Variants in FRMD5 observed in about 807,000 individuals in gnomAD.
The protein encoded by FRMD5 is FERM domain containing 5.
A neutral mutation model predicts 69.0 loss-of-function variants in FRMD5; 20 were observed. The ratio of observed to expected loss-of-function variants is 0.29; its 90% CI spans 0.20 to 0.42. The LOEUF is 0.42. FRMD5 is among the 10% of genes least tolerant of loss of function. The pLI is 1.00. For missense variants in FRMD5, 595 were observed against 708.6 expected (o/e 0.84, Z 1.82); for synonymous variants, 271 against 260.1 (o/e 1.04, Z -0.40).
At chr15:43,933,082 GAAC>G (rs1443475263) in intron 1 of FRMD5, among the ~76,000 whole-genome samples, 2 of 152,168 alleles carry the variant, frequency 1.3e-5, no homozygotes, top group Non-Finnish European at 2.9e-5. Flanking sequence ...AACCTCACTG[GAAC>G]AACAATAGTG....
At chr15:43,963,510 G>C (rs1006671156) in intron 1 of FRMD5, among the ~76,000 whole-genome samples, 8 of 152,132 alleles carry the variant, frequency 5.3e-5, no homozygotes, top group Non-Finnish European at 8.8e-5. Flanking sequence ...AATTCCTCAG[G>C]GATCTAGAAC....
intron 1 of FRMD5, among the ~76,000 whole-genome samples, chr15:44,128,552 T>C (rs918705294): frequency 6.6e-6 from 1 of 152,192 alleles, no homozygotes; most frequent in Non-Finnish European, 1.5e-5. Flanking sequence ...ATTATGAAGC[T>C]GATTAAGATA....
chr15:43,881,807 T>C (rs963821690), intron 13 of FRMD5, among the ~76,000 whole-genome samples: 1 of 152,186 alleles, frequency 6.6e-6, no homozygotes, highest in Non-Finnish European at 1.5e-5. Flanking sequence ...GGGAGTTACA[T>C]ACTAGACTTT....
At chr15:44,071,112 G>A (rs1484802641) in intron 1 of FRMD5, among the ~76,000 whole-genome samples, 1 of 152,062 alleles carries the variant, frequency 6.6e-6, no homozygotes, top group African/African-American at 2.4e-5. Flanking sequence ...TAATCTCTCA[G>A]GCTTTCTTCT....
chr15:43,903,635 A>C (rs2140402943), intron 6 of FRMD5, among the ~76,000 whole-genome samples: 1 of 152,326 alleles, frequency 6.6e-6, no homozygotes, highest in South Asian at 2.1e-4. Context: ...AGGGAAGGTA[A>C]GTTAGGAAAA....
chr15:43,919,221 A>G (rs748257903), intron 4 of FRMD5: 12 of 654,830 alleles, frequency 1.8e-5, no homozygotes, highest in African/African-American at 3.6e-5. Context: ...GAGAGTGACC[A>G]GTTCAAGAGG....
At chr15:44,195,288 A>G, upstream of FRMD5, 1 of 492,736 alleles carries the variant, frequency 2.0e-6, no homozygotes. Flanking sequence ...TCGGCGCCCC[A>G]GTGCCCGTGC....
chr15:43,958,896 GAAAC>G (rs1224914615), intron 1 of FRMD5, among the ~76,000 whole-genome samples: 1 of 152,178 alleles, frequency 6.6e-6, no homozygotes, highest in Non-Finnish European at 1.5e-5. Flanking sequence ...CTTAGAAACA[GAAAC>G]AAACAAGTAT....
intron 1 of FRMD5, among the ~76,000 whole-genome samples, chr15:44,012,314 A>G (rs907297961): frequency 3.3e-5 from 5 of 152,316 alleles, no homozygotes; most frequent in African/African-American, 1.2e-4. Flanking sequence ...CAGAGACTCT[A>G]AACTTTTCTA....
chr15:44,053,561 C>A (rs1455316379), intron 1 of FRMD5, among the ~76,000 whole-genome samples: 2 of 151,916 alleles, frequency 1.3e-5, no homozygotes, highest in East Asian at 1.9e-4. Context: ...ATGTAGGAAG[C>A]AAAATTGAGA....
At chr15:43,946,392 G>A (rs2089947932) in intron 1 of FRMD5, among the ~76,000 whole-genome samples, 1 of 152,190 alleles carries the variant, frequency 6.6e-6, no homozygotes, top group Non-Finnish European at 1.5e-5. Flanking sequence ...GCTGGAAAGG[G>A]ATATCGTTCA....
intron 1 of FRMD5, among the ~76,000 whole-genome samples, chr15:44,016,513 A>G (rs181135466): frequency 1.3e-5 from 2 of 152,188 alleles, no homozygotes; most frequent in African/African-American, 4.8e-5. Context: ...ACCTGAGGTT[A>G]GCAGTTCAAG....
At chr15:44,126,746 G>C (rs1329867561) in intron 1 of FRMD5, among the ~76,000 whole-genome samples, 3 of 151,916 alleles carry the variant, frequency 2.0e-5, no homozygotes, top group Non-Finnish European at 4.4e-5. Flanking sequence ...CTTCCTTTTG[G>C]CTCTCATACG....
At chr15:44,015,117 C>T (rs1335420732) in intron 1 of FRMD5, among the ~76,000 whole-genome samples, 2 of 151,956 alleles carry the variant, frequency 1.3e-5, no homozygotes, top group African/African-American at 4.8e-5. Flanking sequence ...TACCATGAGA[C>T]CCAAGCAAGC....
intron 1 of FRMD5, among the ~76,000 whole-genome samples, chr15:44,131,371 G>A (rs1208837647): frequency 7.1e-6 from 1 of 139,904 alleles, no homozygotes; most frequent in Non-Finnish European, 1.5e-5. Context: ...TACAGCCACT[G>A]TGGAAAACAA....
Position 44,072,199 on chromosome 15 carries a change from T to C in FRMD5, c.102+122754A>G, listed in dbSNP as rs557063555. ...AAAACTTTAAAATTTTTCTTAAGGG[T>C]TCTGATTGTACAAACAGACAAAACA... On this transcript the variant is annotated intron_variant, in intron 1 of 13. Transcript: ENST00000417257. Among the ~76,000 whole-genome samples, 3 of 152,260 alleles carry C rather than the reference T, an allele frequency of 2.0e-5. No homozygotes were observed. In the East Asian group the frequency reaches 5.8e-4, roughly 29 times the overall value.
At chr15:44,125,899 GC>G (rs1209219442) in intron 1 of FRMD5, among the ~76,000 whole-genome samples, 1 of 152,174 alleles carries the variant, frequency 6.6e-6, no homozygotes, top group African/African-American at 2.4e-5. Context: ...TGACAGGGAA[GC>G]CCAGGACATC....
chr15:44,080,975 T>G (rs1893972948), intron 1 of FRMD5, among the ~76,000 whole-genome samples: 1 of 152,080 alleles, frequency 6.6e-6, no homozygotes, highest in Admixed American at 6.6e-5. Flanking sequence ...CATCATTCAA[T>G]AAATAATACA....
At chr15:44,110,506 C>G (rs1034182081) in intron 1 of FRMD5, among the ~76,000 whole-genome samples, 2 of 152,200 alleles carry the variant, frequency 1.3e-5, no homozygotes, top group African/African-American at 2.4e-5. Flanking sequence ...TGCAGGACTT[C>G]ATATATTTCA....
Sources: allele counts gnomAD v4.1 joint callset (sites outside exome capture counted in the v4.1 genomes callset), GRCh38; gene constraint gnomAD v4.1.1; transcripts MANE v1.5; gene names NCBI Gene and HGNC (gene_info 2026-07-23, HGNC 2026-07-21).